C8orf34: variants seen among roughly 807,000 people sequenced by gnomAD.
The protein encoded by C8orf34 is uncharacterized protein C8orf34.
Under a neutral mutation model 68.3 loss-of-function variants are expected in C8orf34, and 65 were observed. That is an observed-to-expected ratio of 0.95 (90% CI 0.78 to 1.17). C8orf34 has a LOEUF of 1.17. Among genes scored for constraint, C8orf34 ranks in the 50% most tolerant of loss-of-function variants. The pLI, the probability that C8orf34 is intolerant of heterozygous loss-of-function variation, is 0.00. For synonymous variants in C8orf34, 244 were observed against 241.2 expected (o/e 1.01, Z -0.11); for missense variants, 664 against 655.4 (o/e 1.01, Z -0.14).
In C8orf34 at chr8:68,488,974, G is replaced by T. The variant is rs1813193913; in HGVS notation, c.765+923G>T. ...TATCTAAACGTTAAAAATTTAAACTGATAACGAATTTACGTTTTTTTTTAA... is the reference window on the plus strand; with the variant it reads ...TATCTAAACGTTAAAAATTTAAACTTATAACGAATTTACGTTTTTTTTTAA... On this transcript the variant is annotated intron_variant, in intron 5 of 13. Coordinates refer to ENST00000518698, the MANE Select transcript of C8orf34 (RefSeq NM_052958.4). Among the ~76,000 whole-genome samples, 3 of 141,138 alleles carry T rather than the reference G, an allele frequency of 2.1e-5. No individual in the cohort carries two copies. The South Asian group carries it at 7.3e-4, about 34-fold the overall frequency. The allele number at this position is 141,138 out of a possible 152,430, so 92.6% of individuals were successfully genotyped here. A position where few individuals can be genotyped will look rare whatever the true frequency, so the allele number is the denominator to read the frequency against.
chr8:68,603,537 CTATCTATCTATCTATCT>C (rs1817765143), intron 7 of C8orf34, among the ~76,000 whole-genome samples: 5 of 85,894 alleles, frequency 5.8e-5, no homozygotes. Flanking sequence ...ATCTATCTAT[CTATCTATCTATCTATCT>C]ATCTATCTAT....
At chr8:68,356,879 G>A (rs905217791) in intron 1 of C8orf34, among the ~76,000 whole-genome samples, 3 of 151,934 alleles carry the variant, frequency 2.0e-5, no homozygotes, top group Non-Finnish European at 2.9e-5. Flanking sequence ...AGCATATAAC[G>A]CCTGCTGTTC....
intron 7 of C8orf34, among the ~76,000 whole-genome samples, chr8:68,570,117 C>T (rs1257196866): frequency 1.3e-5 from 2 of 152,174 alleles, no homozygotes; most frequent in Non-Finnish European, 2.9e-5. Flanking sequence ...AGTTTTCTCT[C>T]TTCAGAGTAT....
intron 7 of C8orf34, among the ~76,000 whole-genome samples, chr8:68,626,993 G>A (rs527944666): frequency 3.9e-5 from 6 of 152,044 alleles, no homozygotes; most frequent in African/African-American, 1.2e-4. Context: ...GGGAGAATTC[G>A]AATTGAATAA....
At chr8:68,700,613 G>A (rs989198344) in intron 8 of C8orf34, among the ~76,000 whole-genome samples, 1 of 152,092 alleles carries the variant, frequency 6.6e-6, no homozygotes, top group Non-Finnish European at 1.5e-5. Flanking sequence ...TGATGTTGTG[G>A]ACAGTATCAG....
At chr8:68,714,192 AG>A (rs1821405050) in intron 9 of C8orf34, among the ~76,000 whole-genome samples, 3 of 152,168 alleles carry the variant, frequency 2.0e-5, no homozygotes, top group African/African-American at 7.2e-5. Flanking sequence ...TATACTGAAC[AG>A]GGAAAAATTG....
chr8:68,576,567 T>C (rs1816912703), intron 7 of C8orf34, among the ~76,000 whole-genome samples: 1 of 149,580 alleles, frequency 6.7e-6, no homozygotes, highest in African/African-American at 2.6e-5. Flanking sequence ...AAAGGCTTTC[T>C]TTGGATTTGT....
intron 1 of C8orf34, among the ~76,000 whole-genome samples, chr8:68,368,893 A>G (rs1807433528): frequency 6.6e-6 from 1 of 152,090 alleles, no homozygotes; most frequent in Non-Finnish European, 1.5e-5. Flanking sequence ...TTTTCCCTCT[A>G]CTTTTGGAGG....
chr8:68,611,878 A>G (rs2130565404), intron 7 of C8orf34, among the ~76,000 whole-genome samples: 1 of 152,262 alleles, frequency 6.6e-6, no homozygotes, highest in Non-Finnish European at 1.5e-5. Context: ...GAAAACACCT[A>G]CAGTGAAATC....
intron 4 of C8orf34, among the ~76,000 whole-genome samples, chr8:68,485,287 A>G (rs1039971026): frequency 6.6e-6 from 1 of 152,186 alleles, no homozygotes; most frequent in Non-Finnish European, 1.5e-5. Flanking sequence ...TATTGCCACT[A>G]TCTTTATGAA....
intron 8 of C8orf34, among the ~76,000 whole-genome samples, chr8:68,647,235 G>A (rs570483615): frequency 2.6e-5 from 4 of 151,914 alleles, no homozygotes; most frequent in East Asian, 1.9e-4. Flanking sequence ...ATTTAAAACC[G>A]CAAAAAGATA....
intron 11 of C8orf34, among the ~76,000 whole-genome samples, chr8:68,781,490 A>G (rs897810808): frequency 6.6e-6 from 1 of 152,338 alleles, no homozygotes; most frequent in African/African-American, 2.4e-5. Context: ...AATATGAAAA[A>G]GTTTGTACTA....
At chr8:68,598,121 A>G (rs1016325401) in intron 7 of C8orf34, among the ~76,000 whole-genome samples, 2 of 152,072 alleles carry the variant, frequency 1.3e-5, no homozygotes, top group Non-Finnish European at 2.9e-5. Flanking sequence ...TCCTACCCAT[A>G]TCAATGAAAA....
intron 1 of C8orf34, among the ~76,000 whole-genome samples, chr8:68,396,945 A>G (rs959694635): frequency 1.3e-5 from 2 of 151,970 alleles, no homozygotes; most frequent in African/African-American, 4.8e-5. Context: ...ATTCCTTTAT[A>G]GCAACACAAA....
intron 8 of C8orf34, among the ~76,000 whole-genome samples, chr8:68,675,205 A>G (rs1274901849): frequency 6.6e-6 from 1 of 152,186 alleles, no homozygotes; most frequent in Non-Finnish European, 1.5e-5. Flanking sequence ...AAACAAACAA[A>G]CAAACAAAAA....
intron 2 of C8orf34, among the ~76,000 whole-genome samples, chr8:68,445,982 G>A (rs947456719): frequency 3.9e-5 from 6 of 151,994 alleles, no homozygotes; most frequent in Admixed American, 6.6e-5. Context: ...TGGAGACGAC[G>A]GGTTTCACCA....
At chr8:68,433,296 T>C (rs1238587714) in intron 1 of C8orf34, among the ~76,000 whole-genome samples, 5 of 152,302 alleles carry the variant, frequency 3.3e-5, no homozygotes, top group African/African-American at 1.2e-4. Context: ...CTACAGCTGA[T>C]AACATGCCAT....
chr8:68,723,296 GA>G, intron 10 of C8orf34, among the ~76,000 whole-genome samples: 1 of 152,116 alleles, frequency 6.6e-6, no homozygotes, highest in East Asian at 1.9e-4. Flanking sequence ...TGTCCCAAAT[GA>G]GACTTAAATT....
intron 1 of C8orf34, among the ~76,000 whole-genome samples, chr8:68,336,389 T>TA (rs1167620648): frequency 1.3e-5 from 2 of 152,012 alleles, no homozygotes; most frequent in Non-Finnish European, 2.9e-5. Context: ...GGGGGCAGGG[T>TA]ATTCAGAAAA....
Sources: allele counts gnomAD v4.1 joint callset (sites outside exome capture counted in the v4.1 genomes callset), GRCh38; gene constraint gnomAD v4.1.1; transcripts MANE v1.5; gene names NCBI Gene and HGNC (gene_info 2026-07-23, HGNC 2026-07-21).